Variants in LAMC1 observed in about 807,000 individuals in gnomAD.
The protein encoded by LAMC1 is laminin subunit gamma-1.
LAMC1 carries 38 observed loss-of-function variants against 173.6 expected under a neutral mutation model. The ratio of observed to expected loss-of-function variants is 0.22; its 90% CI spans 0.17 to 0.29. The LOEUF is 0.29. LAMC1 is among the 10% of genes least tolerant of loss of function. The probability of loss-of-function intolerance (pLI) is 1.00; values close to 1 mark genes in which losing one functional copy is unlikely to be tolerated. For missense variants in LAMC1, 1,824 were observed against 2,051.8 expected (o/e 0.89, Z 2.14); for synonymous variants, 746 against 749.1 (o/e 1.00, Z 0.07).
In LAMC1 at chr1:183,143,215, A is replaced by G. The variant is rs1264031812; in HGVS notation, c.*425A>G. 6.1e-6 allele frequency: 1 copy of G among 164,138 alleles called. No homozygotes were observed. The highest frequency in any genetic ancestry group is 1.3e-5 in the Non-Finnish European group (1 of 74,232). The allele number at this position is 164,138 out of a possible 1,614,324, so 10.2% of individuals were successfully genotyped here. A position where few individuals can be genotyped will look rare whatever the true frequency, so the allele number is the denominator to read the frequency against. ...ATGAAGGAAAAGTTTGGCTACTAAC[A>G]GTAGCATTGTGATGGCCAGTATATC... is the stretch of plus-strand genomic sequence containing the variant. On this transcript the variant is annotated 3_prime_UTR_variant, in exon 28 of 28. Coordinates refer to ENST00000258341, the MANE Select transcript of LAMC1 (RefSeq NM_002293.4).
At position 183,060,844 on chromosome 1, in the gene LAMC1, G is replaced by T. The variant is rs73051750; in HGVS notation, c.418+36710G>T. On this transcript the variant is annotated intron_variant, in intron 1 of 27. Transcript: ENST00000258341. ...AAAATCAGTGCTATTGTGATGGCAA[G>T]AATGAGACAGTTTGAGAAAATATCG... Among the ~76,000 whole-genome samples, 1,397 of 152,326 alleles carry T rather than the reference G, an allele frequency of 9.2e-3. 15 individuals carry two copies. The highest frequency in any genetic ancestry group is 0.032 in the African/African-American group (1,332 of 41,572).
chr1:183,123,987 T>C (rs1343650931), intron 13 of LAMC1, among the ~76,000 whole-genome samples: 1 of 152,232 alleles, frequency 6.6e-6, no homozygotes, highest in Non-Finnish European at 1.5e-5. Flanking sequence ...CAGTGAGTAG[T>C]AGAGTGGAAA....
intron 1 of LAMC1, among the ~76,000 whole-genome samples, chr1:183,079,726 G>A (rs1302441181): frequency 3.3e-5 from 5 of 152,166 alleles, no homozygotes; most frequent in African/African-American, 4.8e-5. Flanking sequence ...ATTATCACAA[G>A]TCAGTTCCCT....
intron 21 of LAMC1, among the ~76,000 whole-genome samples, chr1:183,133,032 T>G (rs1234113324): frequency 1.3e-5 from 2 of 152,084 alleles, no homozygotes; most frequent in Admixed American, 6.5e-5. Context: ...TGCCTCGGCC[T>G]CCTGAGTAGC....
Position 183,145,082 on chromosome 1 carries a change from G to A in LAMC1, c.*2292G>A, listed in dbSNP as rs1657221872. ...TGCATTTGGTCAAGGTTGCAGAAGA[G>A]GACTGAAGATTGACTGCCAAGCTAG... is the stretch of plus-strand genomic sequence containing the variant. On this transcript the variant is annotated 3_prime_UTR_variant, in exon 28 of 28. Transcript: ENST00000258341. The A allele has an allele frequency of 2.0e-5, 3 of 152,142 alleles. No homozygotes were observed. In the South Asian group the frequency reaches 6.2e-4, roughly 32 times the overall value. 9.4% of individuals were successfully genotyped at this position (152,142 alleles called of 1,614,324 possible).
intron 16 of LAMC1, 132 bp from the exon 17 acceptor site, chr1:183,127,090 CATAA>C: frequency 1.4e-6 from 1 of 713,842 alleles, no homozygotes; most frequent in Non-Finnish European, 2.2e-6. Flanking sequence ...TTTAAGATCT[CATAA>C]ATAGTCCTGT....
At chr1:183,119,931 G>A (rs189216546) in intron 11 of LAMC1, among the ~76,000 whole-genome samples, 17 of 152,144 alleles carry the variant, frequency 1.1e-4, no homozygotes, top group Admixed American at 8.5e-4. Context: ...AGTACTTTGG[G>A]AGGCTGAGGC....
chr1:183,130,661 T>C (rs577603551), intron 19 of LAMC1, 112 bp downstream of exon 19: 2 of 780,008 alleles, frequency 2.6e-6, no homozygotes, highest in Admixed American at 2.5e-5. Context: ...CATGCATCTT[T>C]TTATTTGTCC....
At chr1:183,100,546 G>A (rs1655807606) in intron 1 of LAMC1, among the ~76,000 whole-genome samples, 1 of 152,164 alleles carries the variant, frequency 6.6e-6, no homozygotes, top group African/African-American at 2.4e-5. Flanking sequence ...CCTGGATGAT[G>A]GGTCCCTGTT....
At chr1:183,052,090 GC>G (rs1654440949) in intron 1 of LAMC1, among the ~76,000 whole-genome samples, 2 of 152,020 alleles carry the variant, frequency 1.3e-5, no homozygotes, top group South Asian at 4.2e-4. Flanking sequence ...AAAACATACA[GC>G]CCCCTGATTG....
rs371217578 is a variant in LAMC1, at chr1:183,119,652, G to A, written c.1990+1506G>A. ...CTGGAGGCTGAGGTGAGAGGATCAC[G>A]TGCACTCAGGAGGTCAAGGCTGCAG... On this transcript the variant is annotated intron_variant, in intron 11 of 27. Coordinates refer to ENST00000258341, the MANE Select transcript of LAMC1 (RefSeq NM_002293.4). 7.9e-5 allele frequency among the ~76,000 whole-genome samples: 12 copies of A among 152,044 alleles called. No individual in the cohort carries two copies. In the East Asian group the frequency reaches 1.6e-3, roughly 20 times the overall value.
At chr1:183,082,062 C>A (rs544624968) in intron 1 of LAMC1, among the ~76,000 whole-genome samples, 1 of 152,138 alleles carries the variant, frequency 6.6e-6, no homozygotes, top group Non-Finnish European at 1.5e-5. Flanking sequence ...CTTTTTGTAG[C>A]GTGATAGCTC....
At chr1:183,058,391 C>T (rs1654653869) in intron 1 of LAMC1, among the ~76,000 whole-genome samples, 1 of 152,184 alleles carries the variant, frequency 6.6e-6, no homozygotes, top group African/African-American at 2.4e-5. Context: ...ATGGTTATTT[C>T]AATTTGCTTG....
intron 1 of LAMC1, among the ~76,000 whole-genome samples, chr1:183,055,626 A>G (rs564814664): frequency 2.0e-5 from 3 of 152,140 alleles, no homozygotes; most frequent in South Asian, 2.1e-4. Context: ...ATCCTGGCCA[A>G]CATGGTGAAA....
chr1:183,121,630 T>G, intron 11 of LAMC1, 93 bp from the exon 12 acceptor site: 3 of 1,046,558 alleles, frequency 2.9e-6, no homozygotes, highest in Non-Finnish European at 4.1e-6. Flanking sequence ...TTCTCTGGAA[T>G]TTGGGGTCTA....
chr1:183,091,320 T>G (rs1297812519), intron 1 of LAMC1, among the ~76,000 whole-genome samples: 1 of 152,064 alleles, frequency 6.6e-6, no homozygotes, highest in African/African-American at 2.4e-5. Context: ...CCATGCAGGG[T>G]CTCCACAATT....
rs1339102204 is a variant in LAMC1 at position 183,024,015 on chromosome 1, A to T, written c.299A>T (p.Gln100Leu). 1 of 1,612,978 alleles carries T rather than the reference A, an allele frequency of 6.2e-7. No individual in the cohort carries two copies. Among genetic ancestry groups the T allele is most frequent in the African/African-American group, 1.3e-5 (1 of 74,946 alleles). ...TGCGACGCCGGGCAGCCCCACCTGC[A>T]GCACGGGGCAGCCTTCCTGACCGAC... ...HLCDAGQPHLQHGAAFLTDYN... is the reference protein window; with the variant it reads ...HLCDAGQPHLLHGAAFLTDYN... The change falls in exon 1 of 28, where the codon CAG (glutamine) becomes CTG (leucine). Residue 100 changes from glutamine to leucine, a missense_variant. Gln to Leu is a moderately radical substitution (Grantham distance 113). Transcript: ENST00000258341.
At chr1:183,058,297 G>A (rs3934579) in intron 1 of LAMC1, among the ~76,000 whole-genome samples, 76,348 of 152,036 alleles carry the variant, frequency 0.5, 19,804 homozygotes, top group South Asian at 0.64. Flanking sequence ...GAGGGTGACT[G>A]AATTTTACAA....
Position 183,033,242 on chromosome 1 carries a change from G to A in LAMC1, c.418+9108G>A, listed in dbSNP as rs183630137. Among the ~76,000 whole-genome samples, 5 of 152,282 alleles carry A rather than the reference G, an allele frequency of 3.3e-5. No individual in the cohort carries two copies. In the East Asian group the frequency reaches 9.6e-4, roughly 29 times the overall value. On this transcript the variant is annotated intron_variant, in intron 1 of 27. Transcript: ENST00000258341. The stretch of plus-strand genomic sequence containing the variant: ...GTTGAGTGATCAAATCAGTGAACTG[G>A]CTGGTTTTAATTGAGTTATGAGCCC...
Sources: allele counts gnomAD v4.1 joint callset (sites outside exome capture counted in the v4.1 genomes callset), GRCh38; gene constraint gnomAD v4.1.1; transcripts MANE v1.5; gene names NCBI Gene and HGNC (gene_info 2026-07-23, HGNC 2026-07-21).